Variants in LATS2 observed in about 807,000 individuals in gnomAD.
LATS2 encodes serine/threonine-protein kinase LATS2.
Under a neutral mutation model 76.0 loss-of-function variants are expected in LATS2, and 24 were observed. That is an observed-to-expected ratio of 0.32 (90% CI 0.23 to 0.44). The LOEUF is 0.44. LATS2 is among the 20% of genes least tolerant of loss of function. The pLI is 1.00. For missense variants in LATS2, 1,286 were observed against 1,481.2 expected (o/e 0.87, Z 2.16); for synonymous variants, 692 against 635.4 (o/e 1.09, Z -1.34).
chr13:20,997,118 G>A (rs670631), intron 2 of LATS2, among the ~76,000 whole-genome samples: 107,872 of 151,928 alleles, frequency 0.71, 39,420 homozygotes, highest in Middle Eastern at 0.84. Flanking sequence ...CTGCCTCATG[G>A]CTAAAACTAA....
chr13:20,975,346 T>C lies in LATS2; in HGVS notation c.2791A>G (p.Thr931Ala). Residue 931 changes from threonine to alanine, a missense_variant, in exon 8 of 8, where the codon ACG (threonine) becomes GCG (alanine). Thr to Ala is a moderately conservative substitution (Grantham distance 58). Transcript: ENST00000382592. ...TQLKVINWEN[T>A]LHIPAQVKLS... ...TTCACCTGGGCTGGAATGTGGAGCG[T>C]GTTCTCCCAGTTGATCACCTGAGGA... 1 of 1,568,814 alleles carries C rather than the reference T, an allele frequency of 6.4e-7. No homozygotes were observed. The highest frequency in any genetic ancestry group is 8.6e-7 in the Non-Finnish European group (1 of 1,158,302).
rs1211577619 is a variant in LATS2 at position 20,988,725 on chromosome 13, C to A, written c.1055G>T (p.Arg352Leu). Residue 352 changes from arginine to leucine, a missense_variant, in exon 4 of 8, where the codon CGG becomes CTG. By Grantham distance (102) the Arg-to-Leu change is moderately radical (BLOSUM62 -2). Transcript: ENST00000382592. ...SPPQSLLTPS[R>L]NSLNVDLYEL... The stretch of plus-strand genomic sequence containing the variant: ...ATACAGGTCCACGTTGAGGCTGTTC[C>A]GCGAGGGAGTGAGCAGGCTCTGCGG... 3 of 1,565,352 alleles carry A rather than the reference C, an allele frequency of 1.9e-6. No individual in the cohort carries two copies. Among genetic ancestry groups the A allele is most frequent in the Non-Finnish European group, 2.6e-6 (3 of 1,162,870 alleles).
chr13:21,059,395 A>T (rs1873552925), intron 1 of LATS2, among the ~76,000 whole-genome samples: 1 of 150,868 alleles, frequency 6.6e-6, no homozygotes. Flanking sequence ...CAGGAGATTG[A>T]GACCATCCTG....
intron 2 of LATS2, among the ~76,000 whole-genome samples, chr13:21,027,848 T>C (rs995274909): frequency 4.6e-5 from 7 of 152,212 alleles, no homozygotes; most frequent in African/African-American, 1.4e-4. Flanking sequence ...CACAGATAAC[T>C]GTGAGAACTG....
chr13:21,036,768 G>C (rs899931056), intron 2 of LATS2, among the ~76,000 whole-genome samples: 1 of 135,688 alleles, frequency 7.4e-6, no homozygotes. Context: ...GCAAAACTCC[G>C]TCTCAAAACA....
chr13:21,036,877 C>CA (rs1193928001), intron 2 of LATS2, among the ~76,000 whole-genome samples: 3 of 152,190 alleles, frequency 2.0e-5, no homozygotes, highest in Non-Finnish European at 4.4e-5. Context: ...TCATCGTTAG[C>CA]AGGGTTGGAA....
chr13:21,040,181 G>C (rs892889930), intron 2 of LATS2, among the ~76,000 whole-genome samples: 2 of 151,986 alleles, frequency 1.3e-5, no homozygotes, highest in African/African-American at 4.8e-5. Context: ...CAGACTAGGA[G>C]TTCAAGACCA....
At chr13:20,990,083 T>A (rs1012058073) in intron 3 of LATS2, among the ~76,000 whole-genome samples, 3 of 152,234 alleles carry the variant, frequency 2.0e-5, no homozygotes, top group African/African-American at 7.2e-5. Context: ...ACCACCCCGA[T>A]ACCTGGCAGA....
rs1387048575 is a variant in LATS2, at chr13:20,974,326, ATATCAT to A, written c.*538_*543del. The A allele has an allele frequency of 8.8e-6, 2 of 226,442 alleles. No individual in the cohort carries two copies. The highest frequency in any genetic ancestry group is 6.4e-5 in the East Asian group (1 of 15,600). The allele number at this position is 226,442 out of a possible 1,614,324, so 14.0% of individuals were successfully genotyped here. The stretch of plus-strand genomic sequence containing the variant: ...GCCAAAAAAAGCAGCTTTTAACATT[ATATCAT>A]TATATCACAATTTTGAAACATGGGA... On this transcript the variant is annotated 3_prime_UTR_variant, in exon 8 of 8. Coordinates refer to ENST00000382592, the MANE Select transcript of LATS2 (RefSeq NM_014572.3).
At chr13:20,990,798 G>A (rs1322173917) in intron 3 of LATS2, among the ~76,000 whole-genome samples, 1 of 152,112 alleles carries the variant, frequency 6.6e-6, no homozygotes, top group Non-Finnish European at 1.5e-5. Flanking sequence ...GGATGCTGAG[G>A]GGGGCCCAGC....
intron 2 of LATS2, among the ~76,000 whole-genome samples, chr13:21,011,051 CTT>C (rs1428793256): frequency 6.6e-6 from 1 of 152,228 alleles, no homozygotes; most frequent in Non-Finnish European, 1.5e-5. Context: ...TTCCAGAAAA[CTT>C]TTGTTCACAC....
intron 4 of LATS2, among the ~76,000 whole-genome samples, chr13:20,987,053 G>A (rs1054304800): frequency 2.0e-5 from 3 of 152,144 alleles, no homozygotes; most frequent in Non-Finnish European, 4.4e-5. Context: ...AAAATGGCCA[G>A]GCGTGGTGGT....
intron 2 of LATS2, among the ~76,000 whole-genome samples, chr13:21,019,776 C>T (rs1248223365): frequency 6.7e-6 from 1 of 149,790 alleles, no homozygotes; most frequent in East Asian, 2.0e-4. Context: ...GAGTTCGAGA[C>T]CAGCCTGGCC....
chr13:21,054,181 T>C (rs1873372902), intron 1 of LATS2, among the ~76,000 whole-genome samples: 2 of 152,218 alleles, frequency 1.3e-5, no homozygotes, highest in Non-Finnish European at 1.5e-5. Flanking sequence ...CTGGGTGCAG[T>C]GGCTCATGCC....
intron 2 of LATS2, among the ~76,000 whole-genome samples, chr13:21,007,032 C>T (rs1234829898): frequency 6.6e-6 from 1 of 152,106 alleles, no homozygotes; most frequent in Non-Finnish European, 1.5e-5. Context: ...ACAAAGTGCC[C>T]TCAAAGAGTC....
chr13:21,008,601 T>C (rs373818643), intron 2 of LATS2, among the ~76,000 whole-genome samples: 10 of 152,118 alleles, frequency 6.6e-5, no homozygotes, highest in African/African-American at 2.2e-4. Context: ...AGAAGTCCAA[T>C]GTCACCAGCA....
chr13:20,976,682 A>G (rs1869639394), intron 7 of LATS2, among the ~76,000 whole-genome samples: 1 of 152,234 alleles, frequency 6.6e-6, no homozygotes, highest in Admixed American at 6.5e-5. Context: ...TAAGGACATG[A>G]AAATAAGCTC....
At chr13:21,012,666 T>C (rs1483406570) in intron 2 of LATS2, among the ~76,000 whole-genome samples, 1 of 152,080 alleles carries the variant, frequency 6.6e-6, no homozygotes, top group African/African-American at 2.4e-5. Context: ...TAAACAAGTA[T>C]GGTATAAGCG....
At chr13:21,044,416 A>C (rs1211857002) in intron 2 of LATS2, among the ~76,000 whole-genome samples, 1 of 152,250 alleles carries the variant, frequency 6.6e-6, no homozygotes. Context: ...TGCTTTGAGC[A>C]TGAAATCTTA....
Sources: allele counts gnomAD v4.1 joint callset (sites outside exome capture counted in the v4.1 genomes callset), GRCh38; gene constraint gnomAD v4.1.1; transcripts MANE v1.5; gene names NCBI Gene and HGNC (gene_info 2026-07-23, HGNC 2026-07-21).